PLEKHG2: variants seen among roughly 807,000 people sequenced by gnomAD.
PLEKHG2 encodes pleckstrin homology and RhoGEF domain containing G2, also known as pleckstrin homology domain-containing family G member 2.
Under a neutral mutation model 104.4 loss-of-function variants are expected in PLEKHG2, and 71 were observed. The observed-to-expected ratio is 0.68, with a 90% CI of 0.56 to 0.83. The LOEUF (loss-of-function observed/expected upper bound fraction) is 0.83. Among genes scored for constraint, PLEKHG2 ranks in the 40% least tolerant of loss-of-function variants. The pLI, the probability that PLEKHG2 is intolerant of heterozygous loss-of-function variation, is 0.00. For missense variants in PLEKHG2, 1,730 were observed against 1,809.4 expected, an observed-to-expected ratio of 0.96 and a Z score of 0.80; for synonymous variants, 728 against 737.0, an observed-to-expected ratio of 0.99 and a Z score of 0.20.
Position 39,423,328 on chromosome 19 carries a change from G to A in PLEKHG2, c.2274G>A (p.Glu758=). The stretch of plus-strand genomic sequence containing the variant: ...CCCAACATCAGGGATTCCCAGATGA[G>A]CTGGCATTCCGCTCTTGCTCAGAAA... The part of the protein sequence containing the change: ...DVTQHQGFPD[E]LAFRSCSEIR... Residue 758 remains glutamate (E), a synonymous_variant, in exon 18 of 19, where the codon GAG becomes GAA. Coordinates refer to ENST00000425673, the MANE Select transcript of PLEKHG2 (RefSeq NM_022835.3). The A allele has an allele frequency of 1.2e-6, 2 of 1,614,088 alleles. No individual in the cohort carries two copies. Among genetic ancestry groups the A allele is most frequent in the Non-Finnish European group, 1.7e-6 (2 of 1,179,904 alleles).
intron 11 of PLEKHG2, 40 bp downstream of exon 11, chr19:39,419,043 G>A (rs1778002875): frequency 6.4e-7 from 1 of 1,552,934 alleles, no homozygotes; most frequent in Non-Finnish European, 8.7e-7. Flanking sequence ...CTGAGTGCTG[G>A]AGACACCCTC....
At position 39,418,752 on chromosome 19, in the gene PLEKHG2, AG is replaced by A; in HGVS notation, c.1103del (p.Ser368ThrfsTer8). ...CTTCCAGTGCTGCAACCTGAGCGTGAGCGAGAGTCCCCGAGACCCTCTAGGG... is the reference window on the plus strand; with the variant it reads ...CTTCCAGTGCTGCAACCTGAGCGTGACGAGAGTCCCCGAGACCCTCTAGGG... ...GHIFCCNLSV[S>X]ESPRDPLGFK... On this transcript the variant is annotated frameshift_variant, in exon 10 of 19. Transcript: ENST00000425673. LOFTEE classifies it high-confidence loss of function. 1 of 1,612,974 alleles carries A rather than the reference AG, an allele frequency of 6.2e-7. No homozygotes were observed. Among genetic ancestry groups the A allele is most frequent in the Non-Finnish European group, 8.5e-7 (1 of 1,179,208 alleles).
Position 39,414,173 on chromosome 19 carries a change from C to CA in PLEKHG2, c.88dup (p.Thr30AsnfsTer4). The CA allele has an allele frequency of 6.4e-7, 1 of 1,551,472 alleles. No homozygotes were observed. Among genetic ancestry groups the CA allele is most frequent in the Non-Finnish European group, 8.7e-7 (1 of 1,146,838 alleles). ...GAAGAGGTGAAGTGTGTGACTGTGG[C>CA]ACCGTGTGTGAGACTCGGACAGGTG... is the stretch of plus-strand genomic sequence containing the variant. On this transcript the variant is annotated frameshift_variant, in exon 2 of 19. Transcript: ENST00000425673. LOFTEE classifies it high-confidence loss of function.
At chr19:39,414,010 G>A (rs2145975091) in intron 1 of PLEKHG2, 55 bp from the exon 2 acceptor site, 1 of 1,264,496 alleles carries the variant, frequency 7.9e-7, no homozygotes, top group East Asian at 2.6e-5. Flanking sequence ...CTGTGAGTCT[G>A]GGCGGCGGAG....
chr19:39,425,203 G>A lies in PLEKHG2; in HGVS notation c.4070G>A (p.Arg1357Gln), dbSNP rs369014175. 55 of 1,612,472 alleles carry A rather than the reference G, an allele frequency of 3.4e-5. No individual in the cohort carries two copies. Among genetic ancestry groups the A allele is most frequent in the African/African-American group, 1.3e-4 (10 of 74,924 alleles). The change falls in exon 19 of 19, where the codon CGG (arginine) becomes CAG (glutamine). Residue 1357 changes from arginine to glutamine, a missense_variant. By Grantham distance (43) the Arg-to-Gln change is conservative. Coordinates refer to ENST00000425673, the MANE Select transcript of PLEKHG2 (RefSeq NM_022835.3). ...CTGCGGCCAGCCAAGGCCCAGGTCC[G>A]GTTGAACCACCCTGCTCTCTTGGCC... ...GRLRPAKAQVRLNHPALLAST... is the reference protein window; with the variant it reads ...GRLRPAKAQVQLNHPALLAST...
In PLEKHG2 at chr19:39,423,095, C is replaced by T; in HGVS notation, c.2041C>T (p.Pro681Ser). 2 of 1,614,172 alleles carry T rather than the reference C, an allele frequency of 1.2e-6. No individual in the cohort carries two copies. Among genetic ancestry groups the T allele is most frequent in the Non-Finnish European group, 1.7e-6 (2 of 1,180,034 alleles). Residue 681 changes from proline (P) to serine (S), a missense_variant, in exon 18 of 19, where the codon CCC becomes TCC. Coordinates refer to ENST00000425673, the MANE Select transcript of PLEKHG2 (RefSeq NM_022835.3). ...AGCCATACCTAGTGTCCCCAACACC[C>T]CCAGTCTGTCTAGCACTCCCACCCT... ...LPAIPSVPNT[P>S]SLSSTPTLSC... is the part of the protein sequence containing the mutation.
chr19:39,420,377 T>C (rs2078679655), intron 11 of PLEKHG2, among the ~76,000 whole-genome samples: 1 of 151,306 alleles, frequency 6.6e-6, no homozygotes, highest in Non-Finnish European at 1.5e-5. Flanking sequence ...AAAAAAAAAT[T>C]AGCTGGATGT....
At chr19:39,422,544 A>ATTTT (rs372412945) in intron 17 of PLEKHG2, among the ~76,000 whole-genome samples, 188 bp from the exon 18 acceptor site, 1 of 140,650 alleles carries the variant, frequency 7.1e-6, no homozygotes, top group Non-Finnish European at 1.6e-5. Context: ...CACCCGGCTA[A>ATTTT]TTTTTTTTTT....
chr19:39,418,213 T>C, intron 9 of PLEKHG2, 108 bp downstream of exon 9: 5 of 1,011,608 alleles, frequency 4.9e-6, no homozygotes, highest in Non-Finnish European at 6.6e-6. Context: ...CCACATTTTC[T>C]TGAGTTAGAG....
chr19:39,422,579 G>A (rs1356806227), intron 17 of PLEKHG2, among the ~76,000 whole-genome samples, 153 bp from the exon 18 acceptor site: 1 of 150,628 alleles, frequency 6.6e-6, no homozygotes, highest in African/African-American at 2.4e-5. Context: ...AGTAGAGACA[G>A]GGTTTCACTA....
Position 39,416,365 on chromosome 19 carries a change from T to C in PLEKHG2, c.497T>C (p.Leu166Ser). ...YEFSSELLED[L>S]ENSSSAGGIA... ...CCCTGTAGCGAGCTCCTGGAGGACTTGGAGAACAGCAGCAGCGCCGGGGGT... is the reference window on the plus strand; with the variant it reads ...CCCTGTAGCGAGCTCCTGGAGGACTCGGAGAACAGCAGCAGCGCCGGGGGT... Residue 166 changes from leucine (L) to serine (S), a missense_variant, in exon 5 of 19, where the codon TTG (leucine) becomes TCG (serine). Leu to Ser is a moderately radical substitution (Grantham distance 145). Coordinates refer to ENST00000425673, the MANE Select transcript of PLEKHG2 (RefSeq NM_022835.3). This position sits in a 1 kb window ranked among gnomAD's most constrained non-coding sequence, Gnocchi z 4.5. The C allele has an allele frequency of 6.2e-7, 1 of 1,612,262 alleles. No individual in the cohort carries two copies. Among genetic ancestry groups the C allele is most frequent in the Non-Finnish European group, 8.5e-7 (1 of 1,179,518 alleles).
chr19:39,422,177 A>C lies in PLEKHG2; in HGVS notation c.1566A>C (p.Ala522=), dbSNP rs1237597211. The C allele has an allele frequency of 6.2e-7, 1 of 1,613,658 alleles. No individual in the cohort carries two copies. Among genetic ancestry groups the C allele is most frequent in the East Asian group, 2.2e-5 (1 of 44,850 alleles). Residue 522 remains alanine, a synonymous_variant, in exon 17 of 19, where the codon GCA becomes GCC. Transcript: ENST00000425673. ...CTCAGCCACCAGTTTCAGGCTCTGC[A>C]CCCCCTGAGGACCTGGAGGATGCTG... ...PESQPPVSGS[A]PPEDLEDAGP...
rs767156578 is a variant in PLEKHG2, at chr19:39,415,258, G to A, written c.376G>A (p.Glu126Lys). Residue 126 changes from glutamate (E) to lysine (K), a missense_variant and splice_region_variant, in exon 3 of 19, where the codon GAG becomes AAG. Glu to Lys is a moderately conservative substitution (Grantham distance 56, BLOSUM62 1). Coordinates refer to ENST00000425673, the MANE Select transcript of PLEKHG2 (RefSeq NM_022835.3). The surrounding 1 kb of genome is among the most constrained non-coding windows in gnomAD (Gnocchi z 4.6). ...TGTCAGGGACCTCCGCAGCATCGTG[G>A]AGGTAAGGCGGGCAGACACCAGAGG... ...AYVRDLRSIV[E>K]DYLGPLLDGG... is the part of the protein sequence containing the mutation. 1 of 1,595,058 alleles carries A rather than the reference G, an allele frequency of 6.3e-7. No homozygotes were observed. The highest frequency in any genetic ancestry group is 1.1e-5 in the South Asian group (1 of 88,868).
At position 39,425,432 on chromosome 19, in the gene PLEKHG2, G is replaced by GA; in HGVS notation, c.*140dup. 2 of 1,356,300 alleles carry GA rather than the reference G, an allele frequency of 1.5e-6. No homozygotes were observed. The highest frequency in any genetic ancestry group is 3.8e-4 in the Middle Eastern group (2 of 5,212). The allele number at this position is 1,356,300 out of a possible 1,614,324, so 84.0% of individuals were successfully genotyped here. ...TCCAACTCCTGGTATCTGCATCGGC[G>GA]AATGGCCCTTCTTGCCTTGATCCAC... On this transcript the variant is annotated 3_prime_UTR_variant, in exon 19 of 19. Transcript: ENST00000425673.
chr19:39,424,558 C>T lies in PLEKHG2; in HGVS notation c.3425C>T (p.Ala1142Val), dbSNP rs1360123193. 3 of 1,614,036 alleles carry T rather than the reference C, an allele frequency of 1.9e-6. No homozygotes were observed. Among genetic ancestry groups the T allele is most frequent in the East Asian group, 2.2e-5 (1 of 44,890 alleles). The change falls in exon 19 of 19, where the codon GCT becomes GTT. Residue 1142 changes from alanine (A) to valine (V), a missense_variant. By Grantham distance (64) the Ala-to-Val change is moderately conservative. Transcript: ENST00000425673. The part of the protein sequence containing the change: ...SQELPDTQVP[A>V]TTPLPLPQVL... ...GAGCTCCCAGACACTCAGGTTCCAGCTACCACACCTTTGCCCCTGCCACAA... is the reference window on the plus strand; with the variant it reads ...GAGCTCCCAGACACTCAGGTTCCAGTTACCACACCTTTGCCCCTGCCACAA...
chr19:39,418,882 C>T (rs1351849784), intron 10 of PLEKHG2, 35 bp from the exon 11 acceptor site: 1 of 1,598,350 alleles, frequency 6.3e-7, no homozygotes, highest in Non-Finnish European at 8.6e-7. Context: ...AGACCTCACA[C>T]CTGGCCCCCT....
chr19:39,425,109 C>A lies in PLEKHG2; in HGVS notation c.3976C>A (p.Pro1326Thr). 2.5e-6 allele frequency: 4 copies of A among 1,588,244 alleles called. No individual in the cohort carries two copies. The highest frequency in any genetic ancestry group is 3.4e-4 in the Middle Eastern group (2 of 5,906). Residue 1326 changes from proline (P) to threonine (T), a missense_variant, in exon 19 of 19, where the codon CCA becomes ACA. Coordinates refer to ENST00000425673, the MANE Select transcript of PLEKHG2 (RefSeq NM_022835.3). ...TTCGCCGCCCCCCCAGCCCCAGCCA[C>A]CACCTCCCCCAGCCAGGCGGCTCAG... is the stretch of plus-strand genomic sequence containing the variant. ...ASSPPPQPQP[P>T]PPPARRLSYA...
At chr19:39,418,890 C>T (rs1555733386) in intron 10 of PLEKHG2, 27 bp from the exon 11 acceptor site, 1 of 1,601,770 alleles carries the variant, frequency 6.2e-7, no homozygotes, top group South Asian at 1.1e-5. Flanking sequence ...CACCTGGCCC[C>T]CTGACTCTAC....
In PLEKHG2 at chr19:39,423,185, G is replaced by T; in HGVS notation, c.2131G>T (p.Glu711Ter). 6.2e-7 allele frequency: 1 copy of T among 1,612,778 alleles called. No individual in the cohort carries two copies. Among genetic ancestry groups the T allele is most frequent in the South Asian group, 1.1e-5 (1 of 91,026 alleles). Residue 711 changes from glutamate (E) to a stop codon, truncating the protein, a stop_gained, in exon 18 of 19, where the codon GAA becomes TAA. Coordinates refer to ENST00000425673, the MANE Select transcript of PLEKHG2 (RefSeq NM_022835.3). LOFTEE classifies it high-confidence loss of function. ...EPAEAPATRR[E>*]LFSGSNPGKL... ...AGCTGAGGCTCCAGCCACCAGGAGA[G>T]AACTGTTTTCTGGGAGCAATCCTGG... is the stretch of plus-strand genomic sequence containing the variant.
Sources: gnomAD v4.1 joint callset for allele counts (sites outside exome capture counted in the v4.1 genomes callset) on GRCh38, gnomAD v4.1.1 for gene constraint, Gnocchi (gnomAD v3.1) non-coding constraint, MANE v1.5 for transcripts, NCBI Gene and HGNC (gene_info 2026-07-23, HGNC 2026-07-21) for gene names.